Variants in UMODL1 observed in about 807,000 individuals in gnomAD.
UMODL1 encodes uromodulin-like 1.
Under a neutral mutation model 136.3 loss-of-function variants are expected in UMODL1, and 128 were observed. The observed-to-expected ratio is 0.94, with a 90% CI of 0.81 to 1.09. The LOEUF is 1.09. Among genes scored for constraint, UMODL1 ranks in the 50% least tolerant of loss-of-function variants. The probability of loss-of-function intolerance (pLI) is 0.00; values close to 1 mark genes in which losing one functional copy is unlikely to be tolerated. For synonymous variants in UMODL1, 721 were observed against 720.0 expected, an observed-to-expected ratio of 1.00 and a Z score of -0.02; for missense variants, 1,766 against 1,725.6, an observed-to-expected ratio of 1.02 and a Z score of -0.41.
At chr21:42,107,469 C>G (rs757835046) in intron 9 of UMODL1, among the ~76,000 whole-genome samples, 2 of 152,178 alleles carry the variant, frequency 1.3e-5, no homozygotes, top group East Asian at 1.9e-4. Flanking sequence ...AGAGAAGGGC[C>G]GTGAGTGAGG....
chr21:42,112,398 T>C (rs220134), intron 12 of UMODL1, among the ~76,000 whole-genome samples: 67,090 of 149,198 alleles, frequency 0.45, 16,213 homozygotes, highest in Non-Finnish European at 0.54. Flanking sequence ...TTGTTCTGCA[T>C]CTCCCCAGTT....
intron 6 of UMODL1, among the ~76,000 whole-genome samples, chr21:42,098,280 C>T (rs772196225): frequency 1.4e-4 from 22 of 152,164 alleles, no homozygotes; most frequent in Non-Finnish European, 2.6e-4. Context: ...GGATGACTCC[C>T]ACCCTCTAAC....
At position 42,105,647 on chromosome 21, in the gene UMODL1, A is replaced by T. The variant is rs2066704623; in HGVS notation, c.1519+1560A>T. Among the ~76,000 whole-genome samples the T allele has an allele frequency of 2.0e-5, 3 of 152,242 alleles. No individual in the cohort carries two copies. The South Asian group carries it at 6.2e-4, about 31-fold the overall frequency. On this transcript the variant is annotated intron_variant, in intron 9 of 22. Transcript: ENST00000408910. ...AGACAAGAGGAGGAGACACAGACACAGAGGCCAAGATTGGAGTGATGCAGC... is the reference window on the plus strand; with the variant it reads ...AGACAAGAGGAGGAGACACAGACACTGAGGCCAAGATTGGAGTGATGCAGC...
At chr21:42,077,449 T>G (rs220288) in intron 2 of UMODL1, among the ~76,000 whole-genome samples, 99 of 151,250 alleles carry the variant, frequency 6.5e-4, no homozygotes, top group Middle Eastern at 3.4e-3. Flanking sequence ...GAAAGAGGAG[T>G]GGGGGTCTAG....
At chr21:42,086,451 G>T (rs1569146128) in intron 4 of UMODL1, 1 of 448,952 alleles carries the variant, frequency 2.2e-6, no homozygotes, top group South Asian at 1.6e-5. Flanking sequence ...TGGGCTGCTG[G>T]CCAGTGAGCT....
intron 1 of UMODL1, among the ~76,000 whole-genome samples, chr21:42,064,445 G>T (rs539495621): frequency 6.6e-6 from 1 of 152,360 alleles, no homozygotes; most frequent in Admixed American, 6.5e-5. Flanking sequence ...CTACACGTTG[G>T]CTCTCTTGGG....
At chr21:42,100,397 C>T (rs1327821277) in intron 7 of UMODL1, among the ~76,000 whole-genome samples, 5 of 152,058 alleles carry the variant, frequency 3.3e-5, no homozygotes, top group Non-Finnish European at 7.4e-5. Context: ...CTCGGCCCTA[C>T]ACCCTTTTCA....
At chr21:42,091,062 C>T (rs973698803) in intron 6 of UMODL1, among the ~76,000 whole-genome samples, 1 of 152,162 alleles carries the variant, frequency 6.6e-6, no homozygotes, top group East Asian at 1.9e-4. Context: ...GGCTGGCTAA[C>T]CGGCACAGAA....
chr21:42,077,002 GGTGTGTGTGTGTGTGT>G (rs56409028), intron 2 of UMODL1, among the ~76,000 whole-genome samples: 1,475 of 113,252 alleles, frequency 0.013, 29 homozygotes, highest in African/African-American at 0.029. Flanking sequence ...CCAGGGGAGG[GGTGTGTGTGTGTGTGT>G]GTGTGTGTGT....
intron 9 of UMODL1, among the ~76,000 whole-genome samples, chr21:42,106,083 G>A (rs1356938209): frequency 6.6e-6 from 1 of 152,050 alleles, no homozygotes; most frequent in African/African-American, 2.4e-5. Context: ...TCAGCTGTGT[G>A]GCCAGTGATG....
In UMODL1 at chr21:42,127,358, A is replaced by C. The variant is rs920750801; in HGVS notation, c.3530+116A>C. The stretch of plus-strand genomic sequence containing the variant: ...CAGCAATGCCCAGGGCTTCATTAAC[A>C]ATAGGTAGGGCTCAGGAGTGCAGGC... On this transcript the variant is annotated intron_variant, in intron 19 of 22. Transcript: ENST00000408910. The C allele has an allele frequency of 4.8e-5, 49 of 1,026,658 alleles. No individual in the cohort carries two copies. In the African/African-American group the frequency reaches 7.6e-4, roughly 16 times the overall value. The allele number at this position is 1,026,658 out of a possible 1,614,324, so 63.6% of individuals were successfully genotyped here. A position where few individuals can be genotyped will look rare whatever the true frequency, so the allele number is the denominator to read the frequency against.
chr21:42,071,269 G>A (rs2066228217), upstream of UMODL1: 1 of 1,468,724 alleles, frequency 6.8e-7, no homozygotes, highest in Non-Finnish European at 9.0e-7. Context: ...AGAGACCCAG[G>A]CTTCTTGGTA....
chr21:42,119,055 G>T, intron 14 of UMODL1, 56 bp from the exon 15 acceptor site: 2 of 1,560,276 alleles, frequency 1.3e-6, no homozygotes, highest in South Asian at 2.3e-5. Context: ...GCCTTGAGAC[G>T]GGCATCTGTT....
Position 42,122,921 on chromosome 21 carries a change from G to GCC in UMODL1, c.2921_2922dup (p.Thr975ProfsTer10). 6.2e-7 allele frequency: 1 copy of GCC among 1,613,824 alleles called. No individual in the cohort carries two copies. Among genetic ancestry groups the GCC allele is most frequent in the Non-Finnish European group, 8.5e-7 (1 of 1,180,002 alleles). On this transcript the variant is annotated frameshift_variant, in exon 17 of 23. Coordinates refer to ENST00000408910, the MANE Select transcript of UMODL1 (RefSeq NM_001004416.3). LOFTEE classifies it high-confidence loss of function. This position sits in a 1 kb window ranked among gnomAD's most constrained non-coding sequence, Gnocchi z 4.3. ...AAGGCTGCCTTTGTGCAAGGCACCA[G>GCC]CCCCACCCCCCAAGGCCTGCCCCAG...
rs999823615 is a variant in UMODL1 at position 42,123,637 on chromosome 21, G to A, written c.3147+487G>A. ...CATGGCTGTGCTTATATGTACGTGC[G>A]TGTGTGTGTGCATGTGTATCGCGTG... On this transcript the variant is annotated intron_variant, in intron 17 of 22. Transcript: ENST00000408910. This position sits in a 1 kb window ranked among gnomAD's most constrained non-coding sequence, Gnocchi z 4.4. Among the ~76,000 whole-genome samples, 8 of 152,112 alleles carry A rather than the reference G, an allele frequency of 5.3e-5. No homozygotes were observed. Among genetic ancestry groups the A allele is most frequent in the South Asian group, 2.1e-4 (1 of 4,822 alleles).
At chr21:42,088,164 AG>A (rs1192810578) in intron 4 of UMODL1, 129 bp from the exon 5 acceptor site, 3 of 911,088 alleles carry the variant, frequency 3.3e-6, no homozygotes, top group Non-Finnish European at 4.9e-6. Flanking sequence ...AGTACTGTAG[AG>A]GTTCTTTGCT....
At position 42,090,338 on chromosome 21, in the gene UMODL1, T is replaced by C. The variant is rs776075723; in HGVS notation, c.831T>C (p.Ser277=). ...ECFYEELNAC[S]GRELCANLEG... ...TCTATGAGGAGCTCAATGCCTGCTC[T>C]GGAAGGGAACTGTGCGCAAACCTGG... Residue 277 remains serine (S), a synonymous_variant, in exon 6 of 23, where the codon TCT becomes TCC. Transcript: ENST00000408910. 1.9e-6 allele frequency: 3 copies of C among 1,614,146 alleles called. No individual in the cohort carries two copies. Among genetic ancestry groups the C allele is most frequent in the Non-Finnish European group, 2.5e-6 (3 of 1,180,036 alleles).
At chr21:42,067,875 C>T (rs576636020), upstream of UMODL1, among the ~76,000 whole-genome samples, 4 of 152,274 alleles carry the variant, frequency 2.6e-5, no homozygotes, top group South Asian at 2.1e-4. Context: ...CCACAGTCTC[C>T]GAAGTGGAAT....
upstream of UMODL1, among the ~76,000 whole-genome samples, chr21:42,071,002 G>A (rs1197909472): frequency 1.3e-5 from 2 of 152,214 alleles, no homozygotes; most frequent in African/African-American, 2.4e-5. Context: ...AACGAGATGG[G>A]ATCCAGCGAT....
Sources: allele counts gnomAD v4.1 joint callset (sites outside exome capture counted in the v4.1 genomes callset), GRCh38; gene constraint gnomAD v4.1.1; non-coding constraint Gnocchi (gnomAD v3.1); transcripts MANE v1.5; gene names NCBI Gene and HGNC (gene_info 2026-07-23, HGNC 2026-07-21).